ELFN2: variants seen among roughly 807,000 people sequenced by gnomAD.
ELFN2 encodes the protein protein phosphatase 1 regulatory subunit 29.
In ELFN2, 17 loss-of-function variants were observed where a neutral mutation model predicts 45.5. That is an observed-to-expected ratio of 0.37 (90% confidence interval 0.26 to 0.56). ELFN2 has a LOEUF of 0.56. Ranked by LOEUF, ELFN2 falls within the 20% of genes least tolerant of loss-of-function variation. The pLI is 0.77. For missense variants in ELFN2, 922 were observed against 1,183.2 expected, an observed-to-expected ratio of 0.78 and a Z score of 3.24; for synonymous variants, 550 against 551.5, an observed-to-expected ratio of 1.00 and a Z score of 0.04.
chr22:37,422,050 T>G (rs575305254), intron 1 of ELFN2, among the ~76,000 whole-genome samples: 121 of 152,334 alleles, frequency 7.9e-4, no homozygotes, highest in Middle Eastern at 3.4e-3. Context: ...TACTTCCCCC[T>G]GAGAGAGGTG....
At chr22:37,407,603 C>T (rs963106509) in intron 2 of ELFN2, among the ~76,000 whole-genome samples, 3 of 152,096 alleles carry the variant, frequency 2.0e-5, no homozygotes, top group Admixed American at 6.6e-5. Flanking sequence ...TTTTAGAAAA[C>T]GCCCCACCCG....
In ELFN2 at chr22:37,373,580, G is replaced by A; in HGVS notation, c.1955C>T (p.Ala652Val). ...VFSLDVPDHP[A>V]ATGLAKGDSK... ...GTCGCCCTTAGCCAGCCCTGTGGCG[G>A]CCGGATGGTCGGGCACGTCCAGGCT... is the stretch of plus-strand genomic sequence containing the variant. The change falls in exon 3 of 3, where the codon GCC becomes GTC. Residue 652 changes from alanine to valine, a missense_variant. By Grantham distance (64) the Ala-to-Val change is moderately conservative (BLOSUM62 0). Transcript: ENST00000402918. 1.2e-6 allele frequency: 2 copies of A among 1,606,504 alleles called. No homozygotes were observed. The highest frequency in any genetic ancestry group is 1.7e-6 in the Non-Finnish European group (2 of 1,177,772).
At chr22:37,349,325 G>T (rs898625700) in intron 1 of ELFN2, among the ~76,000 whole-genome samples, 1 of 151,308 alleles carries the variant, frequency 6.6e-6, no homozygotes, top group Non-Finnish European at 1.5e-5. Flanking sequence ...GCAGGTAGAA[G>T]AGAGGCACCC....
intron 2 of ELFN2, among the ~76,000 whole-genome samples, chr22:37,378,743 G>A (rs139921546): frequency 2.6e-5 from 4 of 152,360 alleles, no homozygotes; most frequent in Admixed American, 6.5e-5. Context: ...TCCCAGGGGC[G>A]TCAGCTGCCC....
intron 2 of ELFN2, among the ~76,000 whole-genome samples, chr22:37,382,470 C>G (rs1017987009): frequency 6.6e-6 from 1 of 151,000 alleles, no homozygotes; most frequent in African/African-American, 2.4e-5. Context: ...GTCTCCATCT[C>G]TTGACCTTGT....
At chr22:37,346,220 G>A (rs1601730188) in intron 1 of ELFN2, among the ~76,000 whole-genome samples, 2 of 152,210 alleles carry the variant, frequency 1.3e-5, no homozygotes, top group East Asian at 3.8e-4. Flanking sequence ...GTTCTGCCCT[G>A]GAGAAGCTCC....
chr22:37,341,348 C>T (rs544656668), intron 2 of ELFN2, among the ~76,000 whole-genome samples: 72 of 152,330 alleles, frequency 4.7e-4, no homozygotes, highest in Admixed American at 1.8e-3. Context: ...TCTCCCCTTG[C>T]CTATCTCAGG....
At chr22:37,341,357 G>A (rs556488095) in intron 2 of ELFN2, among the ~76,000 whole-genome samples, 15 of 152,296 alleles carry the variant, frequency 9.8e-5, no homozygotes, top group African/African-American at 3.6e-4. Flanking sequence ...GCCTATCTCA[G>A]GCCCTCCTGT....
intron 1 of ELFN2, among the ~76,000 whole-genome samples, chr22:37,345,507 A>G (rs1005358226): frequency 6.6e-6 from 1 of 151,726 alleles, no homozygotes; most frequent in African/African-American, 2.4e-5. Flanking sequence ...GCTCCCCTGC[A>G]AAGGGCCATG....
intron 2 of ELFN2, among the ~76,000 whole-genome samples, chr22:37,399,625 C>T (rs983275564): frequency 2.0e-5 from 3 of 149,826 alleles, no homozygotes; most frequent in South Asian, 2.1e-4. Context: ...CCACCGACCA[C>T]GGGGACCACC....
rs1364221188 is a variant in ELFN2, at chr22:37,342,560, C to CCCCACTCCTGGGTCCCA, written n.251+24_251+40dup. On this transcript the variant is annotated intron_variant and non_coding_transcript_variant, in intron 2 of 2. Coordinates refer to ENST00000452946, the Ensembl canonical transcript of ELFN2. ...AGCGAAGTCCTCCCTCCCAGGTCCC[C>CCCCACTCCTGGGTCCCA]CCCACTCCTGGGTCCCACTGCTGCC... 4.6e-5 allele frequency: 7 copies of CCCCACTCCTGGGTCCCA among 152,338 alleles called. No individual in the cohort carries two copies. The East Asian group carries it at 1.4e-3, about 29-fold the overall frequency. 9.4% of individuals were successfully genotyped at this position (152,338 alleles called of 1,614,324 possible). A position where few individuals can be genotyped will look rare whatever the true frequency, so the allele number is the denominator to read the frequency against.
chr22:37,343,578 T>C (rs1304767508), intron 1 of ELFN2, among the ~76,000 whole-genome samples: 3 of 152,074 alleles, frequency 2.0e-5, no homozygotes, highest in Non-Finnish European at 4.4e-5. Flanking sequence ...GAGCCGAGCC[T>C]GTCTTGCTCC....
chr22:37,378,681 C>T (rs1292863701), intron 2 of ELFN2, among the ~76,000 whole-genome samples: 1 of 152,232 alleles, frequency 6.6e-6, no homozygotes, highest in Non-Finnish European at 1.5e-5. Flanking sequence ...GGCCCAGCTC[C>T]GACCCACCCC....
At chr22:37,416,400 C>T (rs916501719) in intron 2 of ELFN2, among the ~76,000 whole-genome samples, 3 of 152,152 alleles carry the variant, frequency 2.0e-5, no homozygotes, top group Admixed American at 1.3e-4. Context: ...AAGGCAGGTA[C>T]CAATGCTGGT....
At position 37,373,548 on chromosome 22, in the gene ELFN2, A is replaced by T; in HGVS notation, c.1987T>A (p.Tyr663Asn). 1 of 1,595,248 alleles carries T rather than the reference A, an allele frequency of 6.3e-7. No homozygotes were observed. Among genetic ancestry groups the T allele is most frequent in the Non-Finnish European group, 8.5e-7 (1 of 1,172,582 alleles). ...ATGLAKGDSK[Y>N]IEKGSPLNSP... is the part of the protein sequence containing the mutation. ...TTGAGGGGGCTGCCCTTCTCGATGT[A>T]CTTGGAGTCGCCCTTAGCCAGCCCT... Residue 663 changes from tyrosine to asparagine, a missense_variant, in exon 3 of 3, where the codon TAC becomes AAC. Tyr to Asn is a moderately radical substitution (Grantham distance 143). Transcript: ENST00000402918.
At chr22:37,390,454 T>G (rs1932061567) in intron 2 of ELFN2, among the ~76,000 whole-genome samples, 2 of 152,158 alleles carry the variant, frequency 1.3e-5, no homozygotes, top group Non-Finnish European at 2.9e-5. Context: ...GCCCAAACCT[T>G]ACCCAGGCTG....
intron 2 of ELFN2, among the ~76,000 whole-genome samples, chr22:37,397,234 G>A (rs1291206073): frequency 6.6e-6 from 1 of 152,298 alleles, no homozygotes; most frequent in South Asian, 2.1e-4. Flanking sequence ...AGAGGGCCAG[G>A]AAGCACGGCG....
chr22:37,418,769 C>T (rs1349285381), intron 1 of ELFN2: 1 of 152,430 alleles, frequency 6.6e-6, no homozygotes, highest in African/African-American at 2.4e-5. Flanking sequence ...TGGCACACGC[C>T]TTCCCCTATG....
chr22:37,380,090 C>T (rs1298180103), intron 2 of ELFN2, among the ~76,000 whole-genome samples: 1 of 152,240 alleles, frequency 6.6e-6, no homozygotes, highest in Non-Finnish European at 1.5e-5. Context: ...ATCCTCTCAG[C>T]CCCCCGCTAT....
Sources: gnomAD v4.1 joint callset for allele counts (sites outside exome capture counted in the v4.1 genomes callset) on GRCh38, gnomAD v4.1.1 for gene constraint, MANE v1.5 for transcripts, NCBI Gene and HGNC (gene_info 2026-07-23, HGNC 2026-07-21) for gene names.